Variants in DACH2 observed in about 807,000 individuals in gnomAD.
DACH2 encodes the protein dachshund family transcription factor 2, also known as dachshund homolog 2.
Under a neutral mutation model 35.8 loss-of-function variants are expected in DACH2, and 17 were observed. That is an observed-to-expected ratio of 0.48 (90% CI 0.33 to 0.71). The LOEUF (loss-of-function observed/expected upper bound fraction) is 0.71. Ranked by LOEUF, DACH2 falls within the 30% of genes least tolerant of loss-of-function variation. The pLI is 0.02. For missense variants in DACH2, 469 were observed against 472.7 expected, an observed-to-expected ratio of 0.99 and a Z score of 0.07; for synonymous variants, 195 against 177.3, an observed-to-expected ratio of 1.10 and a Z score of -0.79.
intron 2 of DACH2, among the ~76,000 whole-genome samples, chrX:86,404,161 T>C (rs1180788634): frequency 9.1e-6 from 1 of 110,200 alleles, no homozygotes; most frequent in Non-Finnish European, 1.9e-5. Flanking sequence ...AACCATATCA[T>C]CCCACCCCTG....
At chrX:86,505,427 A>G (rs1452630216) in intron 2 of DACH2, among the ~76,000 whole-genome samples, 1 of 111,865 alleles carries the variant, frequency 8.9e-6, no homozygotes, top group Non-Finnish European at 1.9e-5. Context: ...CCATTGAACA[A>G]CAACTCCCCA....
intron 3 of DACH2, among the ~76,000 whole-genome samples, chrX:86,550,577 T>C (rs2039035252): frequency 9.0e-6 from 1 of 111,468 alleles, no homozygotes; most frequent in Admixed American, 9.6e-5. Flanking sequence ...GAGGTCCCTG[T>C]GCTATTCTCA....
chrX:86,172,383 T>A (rs1194233902), intron 1 of DACH2, among the ~76,000 whole-genome samples: 1 of 112,166 alleles, frequency 8.9e-6, no homozygotes, highest in Admixed American at 9.5e-5. Flanking sequence ...ATGAAGCCGA[T>A]AATGCTTCTA....
intron 1 of DACH2, among the ~76,000 whole-genome samples, chrX:86,339,543 G>C (rs1178916692): frequency 3.3e-4 from 37 of 111,646 alleles, no homozygotes; most frequent in Non-Finnish European, 1.5e-4. Context: ...TATGAAATAA[G>C]TACTATTATT....
chrX:86,532,666 G>T (rs2038739825), intron 3 of DACH2, among the ~76,000 whole-genome samples: 1 of 111,127 alleles, frequency 9.0e-6, no homozygotes, highest in African/African-American at 3.3e-5. Context: ...ATAGCAGTAT[G>T]AAAATGAACT....
At chrX:86,345,371 T>C (rs1175223423) in intron 1 of DACH2, 8 of 273,732 alleles carry the variant, frequency 2.9e-5, no homozygotes, top group Non-Finnish European at 5.5e-5. Context: ...TCTCCATCAA[T>C]AGATTTCCTG....
chrX:86,735,012 G>C (rs1415945734), intron 6 of DACH2, among the ~76,000 whole-genome samples: 2 of 111,180 alleles, frequency 1.8e-5, no homozygotes, highest in Non-Finnish European at 3.8e-5. Context: ...ATTAACATTT[G>C]GAAAAGTAAT....
At chrX:86,712,222 C>T (rs2086683773) in intron 5 of DACH2, among the ~76,000 whole-genome samples, 1 of 111,062 alleles carries the variant, frequency 9.0e-6, no homozygotes, top group South Asian at 3.8e-4. Context: ...GTGAAGGTTT[C>T]AGGAGAAAGA....
At chrX:86,718,982 A>AT (rs2041369076) in intron 6 of DACH2, among the ~76,000 whole-genome samples, 1 of 111,860 alleles carries the variant, frequency 8.9e-6, no homozygotes, top group Admixed American at 9.5e-5. Context: ...GTTCCATATG[A>AT]TTTTGAGGAT....
intron 11 of DACH2, among the ~76,000 whole-genome samples, chrX:86,820,056 G>C (rs2042494396): frequency 9.0e-6 from 1 of 111,383 alleles, no homozygotes; most frequent in South Asian, 3.7e-4. Flanking sequence ...TTAGAAAATA[G>C]ACAACTGCCA....
chrX:86,275,353 C>T (rs1218391254), intron 1 of DACH2, among the ~76,000 whole-genome samples: 1 of 111,562 alleles, frequency 9.0e-6, no homozygotes, highest in Non-Finnish European at 1.9e-5. Flanking sequence ...TTGTTTGATA[C>T]TAATTTAGAA....
chrX:86,770,839 G>A (rs1346430683), intron 7 of DACH2, among the ~76,000 whole-genome samples: 3 of 112,286 alleles, frequency 2.7e-5, no homozygotes, highest in Non-Finnish European at 5.6e-5. Context: ...CTAATACAGT[G>A]TCATATGCCC....
At chrX:86,565,422 G>A (rs1370796015) in intron 3 of DACH2, among the ~76,000 whole-genome samples, 4 of 111,327 alleles carry the variant, frequency 3.6e-5, no homozygotes, top group Non-Finnish European at 7.6e-5. Flanking sequence ...AAATTTCGAA[G>A]CAAATTCTCA....
At chrX:86,200,552 G>A (rs1368960912) in intron 1 of DACH2, among the ~76,000 whole-genome samples, 2 of 105,330 alleles carry the variant, frequency 1.9e-5, no homozygotes, top group Non-Finnish European at 3.9e-5. Context: ...TAATACACAG[G>A]GTCTACAAGG....
chrX:86,303,247 G>A (rs1049221690), intron 1 of DACH2, among the ~76,000 whole-genome samples: 1 of 108,093 alleles, frequency 9.3e-6, no homozygotes, highest in Non-Finnish European at 1.9e-5. Flanking sequence ...GTTACTCTGT[G>A]GTCCCAAGTT....
intron 3 of DACH2, among the ~76,000 whole-genome samples, chrX:86,562,561 G>A (rs779286895): frequency 1.8e-5 from 2 of 111,225 alleles, no homozygotes; most frequent in South Asian, 7.5e-4. Flanking sequence ...CCTATTTAAT[G>A]CTGCTTAAAA....
intron 1 of DACH2, among the ~76,000 whole-genome samples, chrX:86,178,000 AAAAC>A (rs1189746641): frequency 1.8e-5 from 2 of 111,632 alleles, no homozygotes; most frequent in African/African-American, 6.5e-5. Context: ...AACAAACAAA[AAAAC>A]AAAGTACTCA....
chrX:86,669,267 T>C (rs1466457812), intron 4 of DACH2, among the ~76,000 whole-genome samples: 1 of 111,079 alleles, frequency 9.0e-6, no homozygotes, highest in South Asian at 3.9e-4. Flanking sequence ...GTAAGAATGA[T>C]TGGAAGTATT....
chrX:86,739,049 T>A (rs982303131), intron 6 of DACH2, among the ~76,000 whole-genome samples: 9 of 110,702 alleles, frequency 8.1e-5, no homozygotes, highest in Non-Finnish European at 7.6e-5. Context: ...ATTTTTTGTA[T>A]TTTTAGTAGA....
Sources: allele counts gnomAD v4.1 joint callset (sites outside exome capture counted in the v4.1 genomes callset), GRCh38; gene constraint gnomAD v4.1.1; transcripts MANE v1.5; gene names NCBI Gene and HGNC (gene_info 2026-07-23, HGNC 2026-07-21).